Variants in PTPRT observed in about 807,000 individuals in gnomAD.
PTPRT encodes the protein protein tyrosine phosphatase receptor type T.
PTPRT carries 56 observed loss-of-function variants against 176.8 expected under a neutral mutation model. That is an observed-to-expected ratio of 0.32 (90% CI 0.26 to 0.40). PTPRT has a LOEUF of 0.40. PTPRT is among the 10% of genes least tolerant of loss of function. The pLI, the probability that PTPRT is intolerant of heterozygous loss-of-function variation, is 1.00. For missense variants in PTPRT, 1,540 were observed against 1,908.2 expected, an observed-to-expected ratio of 0.81 and a Z score of 3.60; for synonymous variants, 783 against 739.0, an observed-to-expected ratio of 1.06 and a Z score of -0.96.
At chr20:42,798,395 T>G (rs1433072739) in intron 2 of PTPRT, among the ~76,000 whole-genome samples, 1 of 152,162 alleles carries the variant, frequency 6.6e-6, no homozygotes, top group Non-Finnish European at 1.5e-5. Context: ...AAAATGTAGG[T>G]GCAAGAGAAG....
chr20:43,052,572 C>T (rs1469859340), intron 1 of PTPRT, among the ~76,000 whole-genome samples: 1 of 152,178 alleles, frequency 6.6e-6, no homozygotes, highest in East Asian at 1.9e-4. Context: ...TTTATTAATG[C>T]TTTGTGAAAA....
chr20:42,580,163 C>A (rs1215018132), intron 7 of PTPRT, among the ~76,000 whole-genome samples: 1 of 152,188 alleles, frequency 6.6e-6, no homozygotes, highest in Non-Finnish European at 1.5e-5. Flanking sequence ...AATAGGGAAT[C>A]CTTTCCCCAT....
intron 22 of PTPRT, among the ~76,000 whole-genome samples, chr20:42,110,732 C>T (rs549399270): frequency 3.3e-5 from 5 of 152,318 alleles, no homozygotes; most frequent in Middle Eastern, 3.4e-3. Flanking sequence ...TGTGCTCATA[C>T]ACACTCTGAA....
At chr20:42,275,239 A>G (rs1238549576) in intron 13 of PTPRT, among the ~76,000 whole-genome samples, 1 of 152,212 alleles carries the variant, frequency 6.6e-6, no homozygotes, top group East Asian at 1.9e-4. Context: ...TTGAGATCCC[A>G]TCAATGGGGT....
intron 11 of PTPRT, among the ~76,000 whole-genome samples, chr20:42,349,526 G>C (rs2058245949): frequency 6.6e-6 from 1 of 152,180 alleles, no homozygotes; most frequent in African/African-American, 2.4e-5. Flanking sequence ...TTTAGGATGT[G>C]ACTTATCCAT....
At chr20:42,143,361 C>T (rs1352589352) in intron 17 of PTPRT, among the ~76,000 whole-genome samples, 2 of 151,980 alleles carry the variant, frequency 1.3e-5, no homozygotes, top group Non-Finnish European at 2.9e-5. Context: ...CAAGACCATC[C>T]TGGCTTAACA....
chr20:42,603,300 C>T (rs1010868571), intron 7 of PTPRT, among the ~76,000 whole-genome samples: 11 of 151,812 alleles, frequency 7.2e-5, no homozygotes, highest in African/African-American at 9.7e-5. Flanking sequence ...ATATTTGAGC[C>T]GAGACTAAAA....
chr20:42,740,536 G>A (rs1170349934), intron 6 of PTPRT, among the ~76,000 whole-genome samples: 5 of 152,228 alleles, frequency 3.3e-5, no homozygotes, highest in African/African-American at 1.2e-4. Context: ...ACTATACGCA[G>A]TGATGTCCCA....
chr20:42,725,544 G>A (rs994434300), intron 6 of PTPRT, among the ~76,000 whole-genome samples: 1 of 152,044 alleles, frequency 6.6e-6, no homozygotes. Context: ...ATCCAGTCTT[G>A]TTTGTGCATG....
intron 13 of PTPRT, among the ~76,000 whole-genome samples, chr20:42,265,435 T>G (rs2056822924): frequency 6.6e-6 from 1 of 152,238 alleles, no homozygotes; most frequent in Admixed American, 6.5e-5. Flanking sequence ...GAGTTAATGA[T>G]GTGAAACTCA....
intron 13 of PTPRT, among the ~76,000 whole-genome samples, chr20:42,254,257 C>T (rs2056598536): frequency 6.6e-6 from 1 of 152,188 alleles, no homozygotes; most frequent in African/African-American, 2.4e-5. Context: ...CAGGGACCTC[C>T]AGAGTGAAGA....
intron 7 of PTPRT, among the ~76,000 whole-genome samples, chr20:42,496,840 G>T (rs541933140): frequency 2.0e-5 from 3 of 151,920 alleles, no homozygotes; most frequent in Admixed American, 6.6e-5. Flanking sequence ...ACTTTCATGG[G>T]CTCTCTTTAT....
At chr20:42,160,571 A>C (rs1989550453) in intron 17 of PTPRT, among the ~76,000 whole-genome samples, 1 of 152,138 alleles carries the variant, frequency 6.6e-6, no homozygotes, top group African/African-American at 2.4e-5. Flanking sequence ...GAAGACTTTG[A>C]GGAGAAATTA....
the PTPRT span, among the ~76,000 whole-genome samples, chr20:42,032,065 G>C: frequency 6.6e-6 from 1 of 152,054 alleles, no homozygotes; most frequent in African/African-American, 2.4e-5. Context: ...ATGCAATCTG[G>C]CTCCATAATT....
intron 6 of PTPRT, among the ~76,000 whole-genome samples, chr20:42,704,549 T>C (rs2076022730): frequency 6.6e-6 from 1 of 152,154 alleles, no homozygotes; most frequent in Middle Eastern, 3.4e-3. Context: ...GCAAACTAAA[T>C]ACCATTCTGG....
At chr20:42,352,310 C>T (rs781539906) in intron 9 of PTPRT, 25 bp from the exon 10 acceptor site, 2 of 1,612,324 alleles carry the variant, frequency 1.2e-6, no homozygotes, top group African/African-American at 2.7e-5. Flanking sequence ...AGCAAACAAA[C>T]AAACAAATAA....
chr20:42,044,587 T>A, the PTPRT span, among the ~76,000 whole-genome samples: 2 of 152,238 alleles, frequency 1.3e-5, no homozygotes, highest in Non-Finnish European at 2.9e-5. Context: ...GCAGGAAACC[T>A]TATTAATAAA....
At chr20:42,474,690 C>A (rs1258305144) in intron 7 of PTPRT, among the ~76,000 whole-genome samples, 1 of 152,278 alleles carries the variant, frequency 6.6e-6, no homozygotes, top group South Asian at 2.1e-4. Flanking sequence ...CGGCTGCTGG[C>A]TAAACATCTC....
At chr20:42,436,471 C>T (rs1045043462) in intron 9 of PTPRT, among the ~76,000 whole-genome samples, 1 of 152,064 alleles carries the variant, frequency 6.6e-6, no homozygotes, top group African/African-American at 2.4e-5. Context: ...AGAGGGAATA[C>T]AAAGCAAGAC....
Sources: allele counts gnomAD v4.1 joint callset (sites outside exome capture counted in the v4.1 genomes callset), GRCh38; gene constraint gnomAD v4.1.1; transcripts MANE v1.5; gene names NCBI Gene and HGNC (gene_info 2026-07-23, HGNC 2026-07-21).